The following GABRE variants were observed in gnomAD, a reference collection of about 807,000 sequenced individuals.
GABRE encodes gamma-aminobutyric acid type A receptor subunit epsilon.
In GABRE, 20 loss-of-function variants were observed where a neutral mutation model predicts 31.0. The observed-to-expected ratio is 0.64, with a 90% CI of 0.45 to 0.94. The LOEUF is 0.94. Among genes scored for constraint, GABRE ranks in the 40% least tolerant of loss-of-function variants. The pLI is 0.00. For missense variants in GABRE, 420 were observed against 410.7 expected, an observed-to-expected ratio of 1.02 and a Z score of -0.20; for synonymous variants, 155 against 150.6, an observed-to-expected ratio of 1.03 and a Z score of -0.21.
intron 3 of GABRE, among the ~76,000 whole-genome samples, chrX:151,963,534 C>G (rs1934443826): frequency 8.9e-6 from 1 of 112,150 alleles, no homozygotes; most frequent in South Asian, 3.7e-4. Context: ...AAAGTGTTGC[C>G]CAACAGAATG....
chrX:151,955,982 G>T, intron 6 of GABRE, 122 bp from the exon 7 acceptor site: 1 of 681,799 alleles, frequency 1.5e-6, no homozygotes, highest in Non-Finnish European at 2.3e-6. Context: ...GAGGCATGAT[G>T]TGACAATGCA....
chrX:151,954,667 T>C lies in GABRE; in HGVS notation c.*34A>G. ...AAGGGGCTTGGACCTCCTGGGGAAC[T>C]GGAGAGGTTGCCCCACAGGGTACCA... On this transcript the variant is annotated 3_prime_UTR_variant, in exon 9 of 9. Coordinates refer to ENST00000370328, the MANE Select transcript of GABRE (RefSeq NM_004961.4). 1 of 1,094,870 alleles carries C rather than the reference T, an allele frequency of 9.1e-7. No individual in the cohort carries two copies. The highest frequency in any genetic ancestry group is 1.2e-6 in the Non-Finnish European group (1 of 815,462). 90.2% of individuals were successfully genotyped at this position (1,094,870 alleles called of 1,213,427 possible).
Position 151,954,477 on chromosome X carries a change from T to G in GABRE, c.*224A>C. 2.8e-6 allele frequency: 1 copy of G among 355,948 alleles called. No individual in the cohort carries two copies. Among genetic ancestry groups the G allele is most frequent in the Non-Finnish European group, 4.9e-6 (1 of 205,678 alleles). The allele number at this position is 355,948 out of a possible 1,213,427, so 29.3% of individuals were successfully genotyped here. On this transcript the variant is annotated 3_prime_UTR_variant, in exon 9 of 9. Transcript: ENST00000370328. ...CTTGAAGAAGAGGGAGGTGGCCCAT[T>G]TATTAATAATTTGAAATGGTCTGCT...
In GABRE at chrX:151,970,391, G is replaced by A; in HGVS notation, c.68C>T (p.Pro23Leu). 8.3e-7 allele frequency: 1 copy of A among 1,210,581 alleles called. No individual in the cohort carries two copies. Among genetic ancestry groups the A allele is most frequent in the Non-Finnish European group, 1.1e-6 (1 of 895,355 alleles). Reference protein sequence around the residue: ...LLILQSRVEGPQTESKNEASS... With the variant: ...LLILQSRVEGLQTESKNEASS... ...GGCTTCATTCTTTGATTCAGTCTGA[G>A]GTCCCTCGACCCTAGAACATTCAAA... is the stretch of plus-strand genomic sequence containing the variant. The change falls in exon 2 of 9, where the codon CCT becomes CTT. Residue 23 changes from proline (P) to leucine (L), a missense_variant. Physicochemically the swap from Pro to Leu is moderately conservative, Grantham distance 98 (BLOSUM62 -3). Coordinates refer to ENST00000370328, the MANE Select transcript of GABRE (RefSeq NM_004961.4).
rs1411509597 is a variant in GABRE at position 151,954,377 on chromosome X, C to G, written c.*324G>C. The G allele has an allele frequency of 1.5e-5, 3 of 205,331 alleles. No homozygotes were observed. Among genetic ancestry groups the G allele is most frequent in the African/African-American group, 8.8e-5 (3 of 34,210 alleles). 16.9% of individuals were successfully genotyped at this position (205,331 alleles called of 1,213,427 possible). On this transcript the variant is annotated 3_prime_UTR_variant, in exon 9 of 9. Coordinates refer to ENST00000370328, the MANE Select transcript of GABRE (RefSeq NM_004961.4). Reference sequence around the variant, plus strand: ...CATTGTTGGAAGATAGCTAATCCGCCTGTACTTAGGCATGGTTTTAGGGAG... The same window carrying G: ...CATTGTTGGAAGATAGCTAATCCGCGTGTACTTAGGCATGGTTTTAGGGAG...
intron 6 of GABRE, chrX:151,959,434 A>G: frequency 3.5e-6 from 1 of 283,813 alleles, no homozygotes; most frequent in South Asian, 3.5e-5. Context: ...TCCCACTACA[A>G]TGGACTTTGC....
chrX:151,964,113 G>C (rs1238276417), intron 3 of GABRE, among the ~76,000 whole-genome samples: 1 of 112,175 alleles, frequency 8.9e-6, no homozygotes, highest in Non-Finnish European at 1.9e-5. Flanking sequence ...GTGACAATTA[G>C]TCTCACTTTT....
At chrX:151,972,339 C>G in intron 1 of GABRE, 3 of 753,792 alleles carry the variant, frequency 4.0e-6, no homozygotes, top group Non-Finnish European at 4.7e-6. Flanking sequence ...GTCCTCTTTC[C>G]CTGAGGCCAA....
chrX:151,961,411 C>T (rs895475056), intron 4 of GABRE, 46 bp from the exon 5 acceptor site: 54 of 894,730 alleles, frequency 6.0e-5, no homozygotes, highest in Non-Finnish European at 7.3e-5. Flanking sequence ...TAAGCACTTC[C>T]GTATCCACCC....
In GABRE at chrX:151,969,776, C is replaced by T. The variant is rs201598010; in HGVS notation, c.275-40G>A. 3.5e-3 allele frequency: 4,203 copies of T among 1,200,147 alleles called. 3 individuals are homozygous for T. The highest frequency in any genetic ancestry group is 4.3e-3 in the Non-Finnish European group (3,868 of 890,222). On this transcript the variant is annotated intron_variant, in intron 2 of 8. Coordinates refer to ENST00000370328, the MANE Select transcript of GABRE (RefSeq NM_004961.4). ...GAAGCAGCAGAGGGTAAGTGTCAAA[C>T]AGGCGCATGGGACGGGGGAGGAAGT... is the stretch of plus-strand genomic sequence containing the variant.
In GABRE at chrX:151,953,191, A is replaced by G. The variant is rs768393491; in HGVS notation, c.*1510T>C. 9.0e-6 allele frequency: 1 copy of G among 111,085 alleles called. No individual in the cohort carries two copies. Among genetic ancestry groups the G allele is most frequent in the East Asian group, 2.8e-4 (1 of 3,524 alleles). The allele number at this position is 111,085 out of a possible 1,213,427, so 9.2% of individuals were successfully genotyped here. ...TGATGGTGACAAAAAGTAGATGGAG[A>G]CCCCACCCTATCCACCCCCCAACAA... On this transcript the variant is annotated 3_prime_UTR_variant, in exon 9 of 9. Coordinates refer to ENST00000370328, the MANE Select transcript of GABRE (RefSeq NM_004961.4).
At chrX:151,965,077 G>A (rs1010755010) in intron 3 of GABRE, among the ~76,000 whole-genome samples, 6 of 111,362 alleles carry the variant, frequency 5.4e-5, no homozygotes, top group African/African-American at 1.6e-4. Context: ...CTCGAACACG[G>A]GAGGCGGAGG....
rs201820607 is a variant in GABRE, at chrX:151,970,340, G to A, written c.119C>T (p.Pro40Leu). 6.5e-5 allele frequency: 79 copies of A among 1,209,998 alleles called. No homozygotes were observed. The highest frequency in any genetic ancestry group is 8.3e-5 in the Non-Finnish European group (74 of 895,277). Reference sequence around the variant, plus strand: ...CTGATTTTCCAGAGGCTGGGGCTGGGGGCCATAGACAACATCACGGGAAGA... The same window carrying A: ...CTGATTTTCCAGAGGCTGGGGCTGGAGGCCATAGACAACATCACGGGAAGA... ...EASSRDVVYG[P>L]QPQPLENQLL... Residue 40 changes from proline to leucine, a missense_variant, in exon 2 of 9, where the codon CCC becomes CTC. Physicochemically the swap from Pro to Leu is moderately conservative, Grantham distance 98 (BLOSUM62 -3). Transcript: ENST00000370328.
intron 3 of GABRE, among the ~76,000 whole-genome samples, chrX:151,966,619 T>C (rs1934532993): frequency 1.8e-5 from 2 of 112,037 alleles, no homozygotes; most frequent in Admixed American, 1.9e-4. Flanking sequence ...TACTGGTATG[T>C]TCTGTGACTA....
chrX:151,959,921 G>A lies in GABRE; in HGVS notation c.702C>T (p.Ile234=). 1 of 1,207,312 alleles carries A rather than the reference G, an allele frequency of 8.3e-7. No homozygotes were observed. The highest frequency in any genetic ancestry group is 1.1e-6 in the Non-Finnish European group (1 of 891,666). Residue 234 remains isoleucine (I), a synonymous_variant, in exon 6 of 9, where the codon ATC becomes ATT. Coordinates refer to ENST00000370328, the MANE Select transcript of GABRE (RefSeq NM_004961.4). ...IYKWENFKLE[I]NEKNSWKLFQ... ...AGAGCTTCCAGGAGTTCTTCTCATTGATTTCAAGCTTGAAATTTTCCCACT... is the reference window on the plus strand; with the variant it reads ...AGAGCTTCCAGGAGTTCTTCTCATTAATTTCAAGCTTGAAATTTTCCCACT...
chrX:151,972,321 T>C (rs1474284902), intron 1 of GABRE: 1 of 751,965 alleles, frequency 1.3e-6, no homozygotes, highest in Non-Finnish European at 1.6e-6. Context: ...ATGCCATATC[T>C]AGAAGATGTC....
rs148670626 is a variant in GABRE, at chrX:151,954,001, C to A, written c.*700G>T. ...AAGGGCATTGAATTGGTAGTGCAGACGAAAGATGGAGCCAGCAAGGAGAGG... is the reference window on the plus strand; with the variant it reads ...AAGGGCATTGAATTGGTAGTGCAGAAGAAAGATGGAGCCAGCAAGGAGAGG... On this transcript the variant is annotated 3_prime_UTR_variant, in exon 9 of 9. Transcript: ENST00000370328. 1 of 111,538 alleles carries A rather than the reference C, an allele frequency of 9.0e-6. No homozygotes were observed. Among genetic ancestry groups the A allele is most frequent in the East Asian group, 2.8e-4 (1 of 3,536 alleles). The allele number at this position is 111,538 out of a possible 1,213,427, so 9.2% of individuals were successfully genotyped here. A position where few individuals can be genotyped will look rare whatever the true frequency, so the allele number is the denominator to read the frequency against.
chrX:151,965,374 A>G (rs889893710), intron 3 of GABRE, among the ~76,000 whole-genome samples: 1 of 111,836 alleles, frequency 8.9e-6, no homozygotes, highest in Admixed American at 9.5e-5. Context: ...TTAAACATCA[A>G]CAATGATATT....
chrX:151,956,889 C>G (rs1180577055), intron 6 of GABRE: 2 of 112,503 alleles, frequency 1.8e-5, no homozygotes, highest in Non-Finnish European at 3.7e-5. Context: ...CTGCTTTATG[C>G]TCTGACACAC....
Sources: allele counts gnomAD v4.1 joint callset (sites outside exome capture counted in the v4.1 genomes callset), GRCh38; gene constraint gnomAD v4.1.1; transcripts MANE v1.5; gene names NCBI Gene and HGNC (gene_info 2026-07-23, HGNC 2026-07-21).